Variants in PRG3 observed in about 807,000 individuals in gnomAD.
PRG3 encodes the protein proteoglycan 3.
In PRG3, 25 loss-of-function variants were observed where a neutral mutation model predicts 26.1. The observed-to-expected ratio is 0.96, with a 90% CI of 0.70 to 1.34. The LOEUF (loss-of-function observed/expected upper bound fraction) is 1.34, where lower values mean the gene tolerates loss of function less well. Ranked by LOEUF, PRG3 falls within the 40% of genes most tolerant of loss-of-function variation. The pLI, the probability that PRG3 is intolerant of heterozygous loss-of-function variation, is 0.00. For synonymous variants in PRG3, 111 were observed against 100.4 expected, an observed-to-expected ratio of 1.11 and a Z score of -0.63; for missense variants, 280 against 264.8, an observed-to-expected ratio of 1.06 and a Z score of -0.40.
rs1381392028 is a variant in PRG3 at position 57,379,821 on chromosome 11, G to A, written c.62-14C>T. On this transcript the variant is annotated splice_polypyrimidine_tract_variant and intron_variant, in intron 2 of 5. Transcript: ENST00000287143. ...GGGCATCATTCTCTGGGAAGAAGAGGTAACCTGCCATCAGGTCAAGAGCTT... is the reference window on the plus strand; with the variant it reads ...GGGCATCATTCTCTGGGAAGAAGAGATAACCTGCCATCAGGTCAAGAGCTT... 5.0e-6 allele frequency: 8 copies of A among 1,593,728 alleles called. No homozygotes were observed. Among genetic ancestry groups the A allele is most frequent in the Non-Finnish European group, 6.8e-6 (8 of 1,169,550 alleles).
chr11:57,378,730 CT>C lies in PRG3; in HGVS notation c.457del (p.Ser153AlafsTer?), dbSNP rs755801100. ...CCAGACCTGGGCTTGGTTGACTGTG[CT>C]AGTGCAGCACTGAATGCGATAGTTG... ...NFNYRIQCCT[S>X]TVNQAQVWIG... On this transcript the variant is annotated frameshift_variant, in exon 4 of 6. Transcript: ENST00000287143. LOFTEE classifies it high-confidence loss of function. 1 of 1,613,828 alleles carries C rather than the reference CT, an allele frequency of 6.2e-7. No individual in the cohort carries two copies. Among genetic ancestry groups the C allele is most frequent in the South Asian group, 1.1e-5 (1 of 91,074 alleles).
chr11:57,377,761 T>G lies in PRG3; in HGVS notation c.583A>C (p.Asn195His), dbSNP rs199964780. The G allele has an allele frequency of 3.0e-5, 48 of 1,613,106 alleles. No individual in the cohort carries two copies. The highest frequency in any genetic ancestry group is 4.1e-5 in the Non-Finnish European group (48 of 1,179,942). Residue 195 changes from asparagine to histidine, a missense_variant, in exon 5 of 6, where the codon AAT becomes CAT. Physicochemically the swap from Asn to His is moderately conservative, Grantham distance 68 (BLOSUM62 1). Transcript: ENST00000287143. ...AGGGCCACACAGGAGCCTTGCCCAT[T>G]CCCAGGTTGCCCTGGGGACCAGTAA... is the stretch of plus-strand genomic sequence containing the variant. ...FAYWSPGQPG[N>H]GQGSCVALCT...
rs577588041 is a variant in PRG3, at chr11:57,379,703, C to T, written c.166G>A (p.Val56Met). 2 of 1,613,872 alleles carry T rather than the reference C, an allele frequency of 1.2e-6. No homozygotes were observed. The highest frequency in any genetic ancestry group is 2.7e-5 in the African/African-American group (2 of 74,936). The change falls in exon 3 of 6, where the codon GTG becomes ATG. Residue 56 changes from valine to methionine, a missense_variant. Val to Met is a conservative substitution (Grantham distance 21, BLOSUM62 1). Coordinates refer to ENST00000287143, the MANE Select transcript of PRG3 (RefSeq NM_006093.4). ...QERDLALTEE[V>M]IQAEGEEVKA... ...ACCTCCTCTCCCTCTGCCTGAATCACCTCCTCCGTCAGAGCCAAGTCTCTC... is the reference window on the plus strand; with the variant it reads ...ACCTCCTCTCCCTCTGCCTGAATCATCTCCTCCGTCAGAGCCAAGTCTCTC...
intron 4 of PRG3, among the ~76,000 whole-genome samples, chr11:57,378,179 A>G (rs1322031530): frequency 2.6e-5 from 4 of 152,164 alleles, no homozygotes; most frequent in Non-Finnish European, 5.9e-5. Context: ...CTGCTGATCT[A>G]TGGACCGTAC....
chr11:57,380,421 A>AC (rs1491475621), intron 2 of PRG3, among the ~76,000 whole-genome samples: 1 of 2,174 alleles, frequency 4.6e-4, no homozygotes, highest in African/African-American at 4.8e-4. Flanking sequence ...AAAAACAAAC[A>AC]AAAAAAAAAA....
chr11:57,378,644 A>G, intron 4 of PRG3, 37 bp downstream of exon 4: 1 of 1,606,194 alleles, frequency 6.2e-7, no homozygotes. Flanking sequence ...ACATTCAGAA[A>G]GAACTTACTG....
chr11:57,379,545 C>A lies in PRG3; in HGVS notation c.324G>T (p.Lys108Asn), dbSNP rs111838630. 1 of 1,613,322 alleles carries A rather than the reference C, an allele frequency of 6.2e-7. No individual in the cohort carries two copies. Among genetic ancestry groups the A allele is most frequent in the African/African-American group, 1.3e-5 (1 of 74,930 alleles). Residue 108 changes from lysine (K) to asparagine (N), a missense_variant, in exon 3 of 6, where the codon AAG (lysine) becomes AAT (asparagine). Coordinates refer to ENST00000287143, the MANE Select transcript of PRG3 (RefSeq NM_006093.4). ...TCCGCACCAATAGGTAGCGGCAGAT[C>A]TTGCACCTTGGACTTCCCTGCACTT... is the stretch of plus-strand genomic sequence containing the variant. ...IVEVQGSPRC[K>N]ICRYLLVRTP... is the part of the protein sequence containing the mutation.
At chr11:57,378,386 G>A (rs1309181083) in intron 4 of PRG3, among the ~76,000 whole-genome samples, 1 of 152,180 alleles carries the variant, frequency 6.6e-6, no homozygotes, top group Non-Finnish European at 1.5e-5. Context: ...TCTTGGGGTG[G>A]GTGGGAGGAT....
chr11:57,379,574 C>A lies in PRG3; in HGVS notation c.295G>T (p.Val99Phe). Reference sequence around the variant, plus strand: ...CACCTTGGACTTCCCTGCACTTCAACAATGTCTTCTTCCCTGGGGCACTGG... The same window carrying A: ...CACCTTGGACTTCCCTGCACTTCAAAAATGTCTTCTTCCCTGGGGCACTGG... ...DFQCPREEDI[V>F]EVQGSPRCKI... The change falls in exon 3 of 6, where the codon GTT (valine) becomes TTT (phenylalanine). Residue 99 changes from valine (V) to phenylalanine (F), a missense_variant. By Grantham distance (50) the Val-to-Phe change is conservative. Coordinates refer to ENST00000287143, the MANE Select transcript of PRG3 (RefSeq NM_006093.4). The A allele has an allele frequency of 6.2e-7, 1 of 1,613,870 alleles. No homozygotes were observed. Among genetic ancestry groups the A allele is most frequent in the Non-Finnish European group, 8.5e-7 (1 of 1,180,016 alleles).
intron 2 of PRG3, 84 bp downstream of exon 2, chr11:57,380,564 G>A (rs1482383620): frequency 2.4e-6 from 3 of 1,245,372 alleles, no homozygotes; most frequent in Non-Finnish European, 2.2e-6. Context: ...CTGGCCTCAT[G>A]AGTGCAAATA....
At chr11:57,377,431 G>T (rs1406875345) in intron 5 of PRG3, among the ~76,000 whole-genome samples, 1 of 151,964 alleles carries the variant, frequency 6.6e-6, no homozygotes, top group Non-Finnish European at 1.5e-5. Context: ...ATCCACTTCC[G>T]CTACTCTCAT....
chr11:57,379,798 G>A lies in PRG3; in HGVS notation c.71C>T (p.Ala24Val), dbSNP rs1292709695. The A allele has an allele frequency of 2.5e-6, 4 of 1,605,096 alleles. No individual in the cohort carries two copies. Among genetic ancestry groups the A allele is most frequent in the Non-Finnish European group, 1.7e-6 (2 of 1,174,818 alleles). ...TGTCTCTAGGCTCTCCAGATGGGGG[G>A]CATCATTCTCTGGGAAGAAGAGGTA... Reference protein sequence around the residue: ...TVSALHLENDAPHLESLETQA... With the variant: ...TVSALHLENDVPHLESLETQA... The change falls in exon 3 of 6, where the codon GCC becomes GTC. Residue 24 changes from alanine to valine, a missense_variant. By Grantham distance (64) the Ala-to-Val change is moderately conservative. Coordinates refer to ENST00000287143, the MANE Select transcript of PRG3 (RefSeq NM_006093.4).
Position 57,377,715 on chromosome 11 carries a change from T to TCCC in PRG3, c.619+7_619+9dup. The stretch of plus-strand genomic sequence containing the variant: ...TCCCTTCTCCCTGCCCTGGTGCCCT[T>TCCC]CCCCCTCACCTTTGGTGCATAGGGC... On this transcript the variant is annotated intron_variant, in intron 5 of 5. Coordinates refer to ENST00000287143, the MANE Select transcript of PRG3 (RefSeq NM_006093.4). 1 of 1,602,738 alleles carries TCCC rather than the reference T, an allele frequency of 6.2e-7. No individual in the cohort carries two copies. The highest frequency in any genetic ancestry group is 8.5e-7 in the Non-Finnish European group (1 of 1,171,284).
chr11:57,380,477 T>G (rs1028112676), intron 2 of PRG3, among the ~76,000 whole-genome samples, 171 bp downstream of exon 2: 3 of 151,560 alleles, frequency 2.0e-5, no homozygotes, highest in Non-Finnish European at 4.4e-5. Context: ...AAGAGAAAGT[T>G]CCAGGTTACA....
At position 57,380,801 on chromosome 11, in the gene PRG3, G is replaced by A; in HGVS notation, c.-73-20C>T. 1.2e-6 allele frequency: 1 copy of A among 869,460 alleles called. No individual in the cohort carries two copies. The highest frequency in any genetic ancestry group is 1.7e-6 in the Non-Finnish European group (1 of 598,278). The allele number at this position is 869,460 out of a possible 1,614,324, so 53.9% of individuals were successfully genotyped here. On this transcript the variant is annotated intron_variant, in intron 1 of 5. Coordinates refer to ENST00000287143, the MANE Select transcript of PRG3 (RefSeq NM_006093.4). ...TAGCCCCTGGCACATAGTATAGAGG[G>A]AATATTTGTTTAATTGTTTGATTAA...
chr11:57,379,215 ACCAAAGCCTTTTGTTTAAATCGGTG>A (rs1856973781), intron 3 of PRG3, among the ~76,000 whole-genome samples: 1 of 152,230 alleles, frequency 6.6e-6, no homozygotes, highest in African/African-American at 2.4e-5. Context: ...CGTTTCTAAC[ACCAAAGCCTTTTGTTTAAATCGGTG>A]GTTCTCCCCA....
chr11:57,378,236 GAGA>G (rs1464385726), intron 4 of PRG3, among the ~76,000 whole-genome samples: 6 of 152,064 alleles, frequency 3.9e-5, no homozygotes, highest in Non-Finnish European at 4.4e-5. Flanking sequence ...ACCACCCTGA[GAGA>G]AGAAGGTCCC....
chr11:57,379,976 T>A (rs1045105976), intron 2 of PRG3, among the ~76,000 whole-genome samples, 169 bp from the exon 3 acceptor site: 4 of 152,274 alleles, frequency 2.6e-5, no homozygotes, highest in South Asian at 4.1e-4. Context: ...CACCCACAAA[T>A]GGACAAGAAC....
chr11:57,379,851 G>C (rs572145589), intron 2 of PRG3, 44 bp from the exon 3 acceptor site: 1 of 1,533,986 alleles, frequency 6.5e-7, no homozygotes, highest in South Asian at 1.3e-5. Flanking sequence ...GAGCTTCCTA[G>C]TTCCAGCACC....
Sources: gnomAD v4.1 joint callset for allele counts (sites outside exome capture counted in the v4.1 genomes callset) on GRCh38, gnomAD v4.1.1 for gene constraint, MANE v1.5 for transcripts, NCBI Gene and HGNC (gene_info 2026-07-23, HGNC 2026-07-21) for gene names.